Variants in KCNJ5 observed in about 807,000 individuals in gnomAD.
KCNJ5 encodes potassium inwardly rectifying channel subfamily J member 5.
A neutral mutation model predicts 20.2 loss-of-function variants in KCNJ5; 12 were observed. That is an observed-to-expected ratio of 0.59 (90% CI 0.38 to 0.96). KCNJ5 has a LOEUF of 0.96. Among genes scored for constraint, KCNJ5 ranks in the 40% least tolerant of loss-of-function variants. KCNJ5 has a pLI of 0.00. For missense variants in KCNJ5, 449 were observed against 557.6 expected (o/e 0.81, Z 1.96); for synonymous variants, 210 against 213.9 (o/e 0.98, Z 0.16).
At chr11:128,892,024 T>TGGCAACAGTGGTTTGAGA (rs1944100092) in intron 1 of KCNJ5, among the ~76,000 whole-genome samples, 1 of 152,162 alleles carries the variant, frequency 6.6e-6, no homozygotes, top group South Asian at 2.1e-4. Context: ...GAGGCAACAG[T>TGGCAACAGTGGTTTGAGA]GGCCAGGAGT....
At chr11:128,892,933 C>A (rs1439074468) in intron 1 of KCNJ5, among the ~76,000 whole-genome samples, 1 of 152,208 alleles carries the variant, frequency 6.6e-6, no homozygotes, top group Admixed American at 6.5e-5. Flanking sequence ...TAAGTGGCAG[C>A]AGCACTGCTA....
At chr11:128,915,434 C>T (rs1944562865) in intron 2 of KCNJ5, among the ~76,000 whole-genome samples, 1 of 152,186 alleles carries the variant, frequency 6.6e-6, no homozygotes, top group Non-Finnish European at 1.5e-5. Context: ...CCAAAACAAT[C>T]CCCATATGTT....
chr11:128,903,779 G>C (rs1436978306), intron 1 of KCNJ5, among the ~76,000 whole-genome samples: 3 of 152,182 alleles, frequency 2.0e-5, no homozygotes, highest in Admixed American at 6.5e-5. Flanking sequence ...GCATGCTGGA[G>C]GGGAGCAGGA....
At chr11:128,912,711 A>G (rs1236563624) in intron 2 of KCNJ5, among the ~76,000 whole-genome samples, 1 of 152,138 alleles carries the variant, frequency 6.6e-6, no homozygotes, top group Non-Finnish European at 1.5e-5. Flanking sequence ...GGGTTTCACC[A>G]TGTCGGCCAG....
intron 1 of KCNJ5, chr11:128,904,313 T>C (rs1485685772): frequency 1.4e-6 from 2 of 1,451,948 alleles, no homozygotes; most frequent in Non-Finnish European, 1.9e-6. Context: ...AATTCAGGAC[T>C]GCACCCTGGC....
chr11:128,913,191 G>A (rs900523097), intron 2 of KCNJ5, among the ~76,000 whole-genome samples: 2 of 152,172 alleles, frequency 1.3e-5, no homozygotes, highest in African/African-American at 4.8e-5. Flanking sequence ...GGGCTTTTGT[G>A]GCTGGGCTCC....
chr11:128,907,473 C>A (rs570397068), intron 1 of KCNJ5, among the ~76,000 whole-genome samples: 40 of 152,356 alleles, frequency 2.6e-4, no homozygotes, highest in African/African-American at 8.9e-4. Context: ...ATCTGAAATA[C>A]AACTTCCTTT....
chr11:128,900,649 C>T (rs976028459), intron 1 of KCNJ5: 1 of 152,238 alleles, frequency 6.6e-6, no homozygotes, highest in Non-Finnish European at 1.5e-5. Flanking sequence ...GCTAAATCTC[C>T]CAGTGTTTGT....
chr11:128,902,604 C>A, intron 1 of KCNJ5: 1 of 1,613,318 alleles, frequency 6.2e-7, no homozygotes. Flanking sequence ...AGGGGGTAGC[C>A]CAGGCGGCCC....
At chr11:128,894,664 C>T (rs1944144454) in intron 1 of KCNJ5, among the ~76,000 whole-genome samples, 1 of 152,228 alleles carries the variant, frequency 6.6e-6, no homozygotes, top group South Asian at 2.1e-4. Context: ...CTCAAAAAGA[C>T]TTGTGAAGTG....
At chr11:128,916,330 A>C (rs1944582134) in intron 2 of KCNJ5, 79 bp from the exon 3 acceptor site, 6 of 1,081,366 alleles carry the variant, frequency 5.5e-6, no homozygotes, top group Admixed American at 1.7e-5. Flanking sequence ...GGATGGATGG[A>C]TTGATGGATG....
chr11:128,892,061 C>T (rs1460069173), intron 1 of KCNJ5, among the ~76,000 whole-genome samples: 1 of 152,204 alleles, frequency 6.6e-6, no homozygotes, highest in Admixed American at 6.5e-5. Flanking sequence ...ACATTTTTCA[C>T]CTGGTAGGAC....
intron 1 of KCNJ5, among the ~76,000 whole-genome samples, chr11:128,903,996 C>A (rs1419800691): frequency 6.6e-6 from 1 of 152,222 alleles, no homozygotes; most frequent in African/African-American, 2.4e-5. Flanking sequence ...TGGAATCAGA[C>A]AAAACCTAGC....
chr11:128,916,320 GGATGGATGGATT>G (rs1944581988), intron 2 of KCNJ5, 77 bp from the exon 3 acceptor site: 7 of 980,576 alleles, frequency 7.1e-6, no homozygotes, highest in Non-Finnish European at 8.2e-6. Flanking sequence ...ATAGATGGAT[GGATGGATGGATT>G]GATGGATGAA....
chr11:128,897,160 C>T (rs942090393), intron 1 of KCNJ5, among the ~76,000 whole-genome samples: 3 of 136,884 alleles, frequency 2.2e-5, no homozygotes, highest in African/African-American at 8.4e-5. Context: ...TGCAGTGGTG[C>T]AATCTCGGCT....
intron 1 of KCNJ5, chr11:128,902,538 T>A (rs1437350900): frequency 1.3e-6 from 2 of 1,584,272 alleles, no homozygotes; most frequent in African/African-American, 2.7e-5. Flanking sequence ...AGCACAGGGC[T>A]ATTGGCAAGG....
rs1944649796 is a variant in KCNJ5, at chr11:128,920,434, C to T, written c.*3703C>T. On this transcript the variant is annotated 3_prime_UTR_variant, in exon 3 of 3. Coordinates refer to ENST00000529694, the MANE Select transcript of KCNJ5 (RefSeq NM_000890.5). ...CTTTTTCACACCCCTTATCTCACGG[C>T]TTGCTTCCAGCCCCCATCAATCCTG... The T allele has an allele frequency of 6.6e-6, 1 of 152,262 alleles. No individual in the cohort carries two copies. The highest frequency in any genetic ancestry group is 1.5e-5 in the Non-Finnish European group (1 of 68,068). 9.4% of individuals were successfully genotyped at this position (152,262 alleles called of 1,614,324 possible).
chr11:128,910,112 C>T (rs1318861874), intron 1 of KCNJ5, among the ~76,000 whole-genome samples: 1 of 152,168 alleles, frequency 6.6e-6, no homozygotes, highest in Non-Finnish European at 1.5e-5. Context: ...ATAAAAATTT[C>T]CTAGTGCAGT....
rs535710572 is a variant in KCNJ5 at position 128,902,796 on chromosome 11, A to T, written c.-10-8468A>T. On this transcript the variant is annotated intron_variant, in intron 1 of 2. Coordinates refer to ENST00000529694, the MANE Select transcript of KCNJ5 (RefSeq NM_000890.5). ...AACAGCACTCTCAGCCTAACTCACA[A>T]CGCAGCCCAACATGTCCATGGGCAG... 2.1e-6 allele frequency: 3 copies of T among 1,440,728 alleles called. No homozygotes were observed. In the East Asian group the frequency reaches 6.9e-5, roughly 33 times the overall value. 89.2% of individuals were successfully genotyped at this position (1,440,728 alleles called of 1,614,324 possible).
Sources: allele counts gnomAD v4.1 joint callset (sites outside exome capture counted in the v4.1 genomes callset), GRCh38; gene constraint gnomAD v4.1.1; transcripts MANE v1.5; gene names NCBI Gene and HGNC (gene_info 2026-07-23, HGNC 2026-07-21).